The following APBA2 variants were observed in gnomAD, a reference collection of about 807,000 sequenced individuals.
APBA2 encodes the protein amyloid beta precursor protein binding family A member 2.
A neutral mutation model predicts 75.0 loss-of-function variants in APBA2; 30 were observed. The observed-to-expected ratio is 0.40, with a 90% confidence interval of 0.30 to 0.54. The LOEUF (loss-of-function observed/expected upper bound fraction) is 0.54, where lower values mean the gene tolerates loss of function less well. APBA2 is among the 20% of genes least tolerant of loss of function. The probability of loss-of-function intolerance (pLI) is 0.49; values close to 1 mark genes in which losing one functional copy is unlikely to be tolerated. For synonymous variants in APBA2, 444 were observed against 409.6 expected, an observed-to-expected ratio of 1.08 and a Z score of -1.01; for missense variants, 801 against 1,016.1, an observed-to-expected ratio of 0.79 and a Z score of 2.88.
intron 2 of APBA2, among the ~76,000 whole-genome samples, chr15:28,990,008 C>T (rs2038136128): frequency 6.6e-6 from 1 of 152,152 alleles, no homozygotes; most frequent in Non-Finnish European, 1.5e-5. Context: ...GTGTCAGAGC[C>T]CTGCTGAGAA....
intron 3 of APBA2, among the ~76,000 whole-genome samples, chr15:29,012,440 A>G (rs911555167): frequency 2.6e-5 from 4 of 152,166 alleles, no homozygotes; most frequent in African/African-American, 9.7e-5. Context: ...TTCTTATCCT[A>G]TCAAATCAGG....
intron 3 of APBA2, among the ~76,000 whole-genome samples, chr15:29,000,113 C>A (rs190998700): frequency 6.6e-6 from 1 of 152,320 alleles, no homozygotes; most frequent in African/African-American, 2.4e-5. Context: ...CCAATGGTAA[C>A]CGCTTCCAGA....
intron 3 of APBA2, among the ~76,000 whole-genome samples, chr15:29,031,923 G>A (rs893565185): frequency 1.3e-5 from 2 of 152,240 alleles, no homozygotes; most frequent in East Asian, 3.9e-4. Flanking sequence ...TGAAGTGCAG[G>A]CCATGCACAG....
chr15:29,083,720 G>A (rs1006082311), intron 6 of APBA2, among the ~76,000 whole-genome samples: 1 of 152,006 alleles, frequency 6.6e-6, no homozygotes, highest in African/African-American at 2.4e-5. Flanking sequence ...TAGTAGAGAT[G>A]GGGTTTTGCC....
intron 2 of APBA2, among the ~76,000 whole-genome samples, chr15:28,979,652 C>T (rs2037519497): frequency 6.6e-6 from 1 of 152,172 alleles, no homozygotes; most frequent in South Asian, 2.1e-4. Flanking sequence ...TGCAGAGTGC[C>T]CCCGGCCCCG....
chr15:28,917,913 C>T (rs1292517826), intron 1 of APBA2, among the ~76,000 whole-genome samples: 1 of 152,200 alleles, frequency 6.6e-6, no homozygotes, highest in Non-Finnish European at 1.5e-5. Flanking sequence ...GCACTCACTG[C>T]ATCCTGCCCC....
intron 3 of APBA2, among the ~76,000 whole-genome samples, chr15:29,037,978 A>G (rs1404240497): frequency 6.6e-6 from 1 of 152,156 alleles, no homozygotes; most frequent in African/African-American, 2.4e-5. Context: ...ATGGCAATCA[A>G]ATTTCCACAT....
At chr15:28,955,772 G>A (rs1320343756) in intron 2 of APBA2, among the ~76,000 whole-genome samples, 4 of 152,240 alleles carry the variant, frequency 2.6e-5, no homozygotes, top group Admixed American at 1.3e-4. Flanking sequence ...GGGAGGCATG[G>A]GGGGCCTTGG....
rs149542658 is a variant in APBA2, at chr15:29,098,024, C to T, written c.1252-466C>T. ...GCTGAGTAGGCCTCCAGTGTGTCTG[C>T]GCGCCACATTTCTTTATCCATTCAT... On this transcript the variant is annotated intron_variant, in intron 8 of 14. Transcript: ENST00000683413. 1.8e-4 allele frequency among the ~76,000 whole-genome samples: 27 copies of T among 152,320 alleles called. No individual in the cohort carries two copies. The East Asian group carries it at 2.7e-3, about 15-fold the overall frequency.
chr15:28,922,985 C>G (rs764603189), intron 2 of APBA2, among the ~76,000 whole-genome samples: 2 of 152,210 alleles, frequency 1.3e-5, no homozygotes, highest in African/African-American at 2.4e-5. Flanking sequence ...ACCTCAGTCA[C>G]CACACCACGC....
At chr15:28,934,859 C>T (rs955001678) in intron 2 of APBA2, among the ~76,000 whole-genome samples, 16 of 152,184 alleles carry the variant, frequency 1.1e-4, no homozygotes, top group Admixed American at 5.2e-4. Context: ...AGTGTTTCCC[C>T]GTCAGGAGAG....
intron 2 of APBA2, among the ~76,000 whole-genome samples, chr15:28,940,742 G>C (rs2035173298): frequency 1.3e-5 from 2 of 152,264 alleles, no homozygotes; most frequent in African/African-American, 2.4e-5. Context: ...AAGAAGCTGA[G>C]ACTACTTGGA....
At chr15:28,914,341 G>A in intron 1 of APBA2, among the ~76,000 whole-genome samples, 1 of 152,250 alleles carries the variant, frequency 6.6e-6, no homozygotes, top group East Asian at 1.9e-4. Context: ...AGCAGGTTTT[G>A]GAAGAAGATC....
chr15:29,056,529 C>T (rs1187633314), intron 4 of APBA2, among the ~76,000 whole-genome samples: 2 of 149,368 alleles, frequency 1.3e-5, no homozygotes, highest in Admixed American at 1.3e-4. Context: ...TTGTTTTTCC[C>T]TCCCTCCCTC....
At chr15:29,041,470 A>G (rs906746453) in intron 3 of APBA2, among the ~76,000 whole-genome samples, 7 of 151,008 alleles carry the variant, frequency 4.6e-5, no homozygotes, top group Non-Finnish European at 1.0e-4. Context: ...GTGACAGAGC[A>G]AGACCCTGTC....
At chr15:29,098,222 G>A (rs537809013) in intron 8 of APBA2, among the ~76,000 whole-genome samples, 1 of 152,184 alleles carries the variant, frequency 6.6e-6, no homozygotes, top group African/African-American at 2.4e-5. Context: ...TGGAGGAACC[G>A]CCATTCTATT....
At chr15:28,968,550 CT>C (rs1341665932) in intron 2 of APBA2, among the ~76,000 whole-genome samples, 1 of 152,172 alleles carries the variant, frequency 6.6e-6, no homozygotes, top group Non-Finnish European at 1.5e-5. Context: ...TTGGTTCCGT[CT>C]CTTTCGCAGG....
chr15:29,010,632 C>T (rs1193168702), intron 3 of APBA2, among the ~76,000 whole-genome samples: 2 of 152,168 alleles, frequency 1.3e-5, no homozygotes, highest in African/African-American at 2.4e-5. Context: ...CACACTTTCT[C>T]ACGTTCAGTG....
intron 2 of APBA2, among the ~76,000 whole-genome samples, chr15:28,993,156 C>T (rs566475606): frequency 4.1e-4 from 62 of 152,264 alleles, no homozygotes; most frequent in African/African-American, 1.4e-3. Context: ...GCCCGCCCCC[C>T]AAATATGCCT....
Sources: allele counts gnomAD v4.1 joint callset (sites outside exome capture counted in the v4.1 genomes callset), GRCh38; gene constraint gnomAD v4.1.1; transcripts MANE v1.5; gene names NCBI Gene and HGNC (gene_info 2026-07-23, HGNC 2026-07-21).